Variants in CR1 observed in about 807,000 individuals in gnomAD.
The protein encoded by CR1 is complement receptor type 1.
CR1 carries 116 observed loss-of-function variants against 187.3 expected under a neutral mutation model. The observed-to-expected ratio is 0.62, with a 90% CI of 0.53 to 0.72. The LOEUF (loss-of-function observed/expected upper bound fraction) is 0.72, where lower values mean the gene tolerates loss of function less well. Among genes scored for constraint, CR1 ranks in the 30% least tolerant of loss-of-function variants. The probability of loss-of-function intolerance (pLI) is 0.00; values close to 1 mark genes in which losing one functional copy is unlikely to be tolerated. For missense variants in CR1, 1,731 were observed against 2,110.7 expected, an observed-to-expected ratio of 0.82 and a Z score of 3.52; for synonymous variants, 576 against 747.1, an observed-to-expected ratio of 0.77 and a Z score of 3.73.
chr1:207,617,590 TATATATATATATATATATATATAGAGAG>T (rs1212027279), intron 41 of CR1, among the ~76,000 whole-genome samples: 13 of 33,404 alleles, frequency 3.9e-4, no homozygotes, highest in South Asian at 3.3e-3. Context: ...TATATATATA[TATATATATATATATATATATATAGAGAG>T]AGAGAGAGAG....
intron 41 of CR1, among the ~76,000 whole-genome samples, chr1:207,617,507 A>ATATATATATATATATATCTATGTGTGTG (rs1332301171): frequency 2.1e-5 from 1 of 47,010 alleles, no homozygotes; most frequent in African/African-American, 6.3e-5. Context: ...ATATATATAT[A>ATATATATATATATATATCTATGTGTGTG]TGTGTGTGTG....
intron 31 of CR1, among the ~76,000 whole-genome samples, chr1:207,581,204 A>ATAC (rs1558245403): frequency 8.0e-5 from 12 of 150,246 alleles, no homozygotes; most frequent in African/African-American, 2.7e-4. Context: ...ACGTATATGT[A>ATAC]GACGTATACA....
chr1:207,631,519 G>C (rs917284403), intron 46 of CR1, among the ~76,000 whole-genome samples: 13 of 152,130 alleles, frequency 8.5e-5, no homozygotes, highest in Middle Eastern at 3.2e-3. Flanking sequence ...CATACTATGA[G>C]AAATTTCTCA....
intron 46 of CR1, among the ~76,000 whole-genome samples, chr1:207,638,975 G>A (rs542030327): frequency 2.6e-5 from 4 of 152,250 alleles, no homozygotes; most frequent in Admixed American, 6.5e-5. Context: ...CATTCCCTGA[G>A]GCACTTGGGA....
chr1:207,633,787 TTTGTGTGAGCAACATGGCTG>T (rs1390006826), intron 46 of CR1, among the ~76,000 whole-genome samples: 2 of 152,148 alleles, frequency 1.3e-5, no homozygotes, highest in African/African-American at 4.8e-5. Flanking sequence ...CCAAACAGGC[TTTGTGTGAGCAACATGGCTG>T]TTTATTTCAC....
intron 29 of CR1, among the ~76,000 whole-genome samples, chr1:207,579,536 G>T (rs1337449347): frequency 6.6e-6 from 1 of 152,162 alleles, no homozygotes; most frequent in East Asian, 1.9e-4. Context: ...TGCCCTCATA[G>T]TCCCATCAGC....
chr1:207,511,413 G>C (rs1210847588), intron 3 of CR1, among the ~76,000 whole-genome samples, 156 bp from the exon 4 acceptor site: 1 of 152,192 alleles, frequency 6.6e-6, no homozygotes, highest in Non-Finnish European at 1.5e-5. Context: ...AAAGTCCCAA[G>C]AAGAATGTGA....
At chr1:207,506,903 C>G (rs1443365530) in intron 3 of CR1, 90 bp downstream of exon 3, 1 of 1,044,214 alleles carries the variant, frequency 9.6e-7, no homozygotes, top group Non-Finnish European at 1.4e-6. Flanking sequence ...GAAAGGACAA[C>G]TAAACTATTA....
chr1:207,517,560 G>A (rs1659843840), intron 4 of CR1, among the ~76,000 whole-genome samples: 1 of 152,112 alleles, frequency 6.6e-6, no homozygotes, highest in South Asian at 2.1e-4. Context: ...ATTTTTTCTA[G>A]TGTCTGGAAC....
chr1:207,636,242 T>C (rs919306031), intron 46 of CR1, among the ~76,000 whole-genome samples: 11 of 152,274 alleles, frequency 7.2e-5, no homozygotes, highest in African/African-American at 2.6e-4. Context: ...TTAACCCAAG[T>C]GACAGGGTTA....
chr1:207,635,246 A>T (rs1054227399), intron 46 of CR1, among the ~76,000 whole-genome samples: 1 of 152,102 alleles, frequency 6.6e-6, no homozygotes, highest in African/African-American at 2.4e-5. Flanking sequence ...TGTTCAGCAT[A>T]CGGAGGATCC....
intron 1 of CR1, among the ~76,000 whole-genome samples, chr1:207,498,195 T>C (rs562950244): frequency 6.6e-6 from 1 of 152,334 alleles, no homozygotes; most frequent in Admixed American, 6.5e-5. Context: ...CATGTGACAG[T>C]GTTTTGTAAT....
rs747073129 is a variant in CR1, at chr1:207,588,777, G to A, written c.5810+3G>A. 6.3e-7 allele frequency: 1 copy of A among 1,589,072 alleles called. No individual in the cohort carries two copies. The highest frequency in any genetic ancestry group is 1.7e-5 in the Admixed American group (1 of 58,514). ...GTTAATTATTCTTGTAATGAAGGGT[G>A]AGTTGAGAATACCATCTCTTGAATA... On this transcript the variant is annotated splice_donor_region_variant and intron_variant, in intron 35 of 46. Transcript: ENST00000367049.
chr1:207,513,677 T>C (rs188184661), intron 4 of CR1, among the ~76,000 whole-genome samples: 154 of 152,196 alleles, frequency 1.0e-3, no homozygotes, highest in Non-Finnish European at 1.6e-3. Context: ...CAAATAATTA[T>C]AATTTTATTT....
chr1:207,581,308 G>A (rs867628539), intron 31 of CR1, among the ~76,000 whole-genome samples: 2 of 149,778 alleles, frequency 1.3e-5, no homozygotes, highest in East Asian at 2.0e-4. Context: ...ATATGGACAC[G>A]TATATGTATA....
chr1:207,607,615 C>T (rs1357030313), intron 36 of CR1, among the ~76,000 whole-genome samples: 1 of 152,084 alleles, frequency 6.6e-6, no homozygotes, highest in Non-Finnish European at 1.5e-5. Flanking sequence ...ATTTTAAAGG[C>T]GTTAGACAAA....
intron 3 of CR1, among the ~76,000 whole-genome samples, chr1:207,510,115 G>T (rs1399340940): frequency 6.6e-6 from 1 of 152,124 alleles, no homozygotes; most frequent in African/African-American, 2.4e-5. Context: ...GCTGAGGCAG[G>T]AGAATCTCTT....
chr1:207,505,598 G>T (rs1385564039), intron 1 of CR1, among the ~76,000 whole-genome samples: 2 of 152,108 alleles, frequency 1.3e-5, no homozygotes, highest in African/African-American at 4.8e-5. Context: ...CACTTTGGGA[G>T]GCCAAAGTGG....
chr1:207,498,106 A>G (rs1189206267), intron 1 of CR1, among the ~76,000 whole-genome samples: 1 of 152,244 alleles, frequency 6.6e-6, no homozygotes, highest in African/African-American at 2.4e-5. Flanking sequence ...ACTGACCTTC[A>G]GTGTCCACAT....
Sources: allele counts gnomAD v4.1 joint callset (sites outside exome capture counted in the v4.1 genomes callset), GRCh38; gene constraint gnomAD v4.1.1; transcripts MANE v1.5; gene names NCBI Gene and HGNC (gene_info 2026-07-23, HGNC 2026-07-21).